ZFHX3: variants seen among roughly 807,000 people sequenced by gnomAD.
The protein encoded by ZFHX3 is zinc finger homeobox protein 3.
A neutral mutation model predicts 279.1 loss-of-function variants in ZFHX3; 42 were observed. That is an observed-to-expected ratio of 0.15 (90% CI 0.12 to 0.19). The LOEUF is 0.19. Ranked by LOEUF, ZFHX3 falls within the 10% of genes least tolerant of loss-of-function variation. The pLI is 1.00. For synonymous variants in ZFHX3, 2,293 were observed against 1,957.8 expected (o/e 1.17, Z -4.52); for missense variants, 4,981 against 4,754.0 (o/e 1.05, Z -1.40).
chr16:73,428,254 C>T (rs2017847015), intron 3 of ZFHX3, among the ~76,000 whole-genome samples: 1 of 152,132 alleles, frequency 6.6e-6, no homozygotes, highest in African/African-American at 2.4e-5. Context: ...ACATGCCGGC[C>T]TTGAACTCTC....
intron 2 of ZFHX3, among the ~76,000 whole-genome samples, chr16:73,654,812 A>T (rs28607648): frequency 4.8e-5 from 6 of 125,230 alleles, no homozygotes; most frequent in Non-Finnish European, 7.0e-5. Context: ...ATAATTTTTT[A>T]AAAAAACAAT....
intron 1 of ZFHX3, among the ~76,000 whole-genome samples, chr16:73,799,374 G>A (rs187539883): frequency 5.3e-5 from 8 of 152,280 alleles, no homozygotes; most frequent in East Asian, 3.9e-4. Flanking sequence ...CCCATATTAC[G>A]ACAGTGGATG....
At chr16:73,140,469 T>C (rs1349088040) in intron 6 of ZFHX3, among the ~76,000 whole-genome samples, 3 of 152,148 alleles carry the variant, frequency 2.0e-5, no homozygotes, top group African/African-American at 7.2e-5. Context: ...CAGGGAAGTC[T>C]GGAGTTCGGG....
chr16:73,720,957 T>A (rs1199868690), intron 1 of ZFHX3, among the ~76,000 whole-genome samples: 1 of 152,222 alleles, frequency 6.6e-6, no homozygotes, highest in Non-Finnish European at 1.5e-5. Context: ...TCTGTGATTG[T>A]AAAGTGACAG....
chr16:73,169,253 A>G (rs113057938), intron 5 of ZFHX3, among the ~76,000 whole-genome samples: 2 of 152,366 alleles, frequency 1.3e-5, no homozygotes, highest in African/African-American at 2.4e-5. Context: ...GGATTCAGAT[A>G]TGAGAGATTT....
At chr16:73,771,644 T>C (rs1041923265) in intron 1 of ZFHX3, among the ~76,000 whole-genome samples, 1 of 149,970 alleles carries the variant, frequency 6.7e-6, no homozygotes, top group African/African-American at 2.4e-5. Flanking sequence ...CCTAGTCTGA[T>C]GTTCCTTTCA....
intron 7 of ZFHX3, among the ~76,000 whole-genome samples, chr16:73,119,605 G>A (rs35744751): frequency 0.45 from 67,701 of 152,080 alleles, 16,728 homozygotes; most frequent in Middle Eastern, 0.6. Flanking sequence ...TGTTCCATGT[G>A]AGCCAACAGG....
chr16:73,789,722 T>C (rs1178734015), intron 1 of ZFHX3, among the ~76,000 whole-genome samples: 2 of 152,262 alleles, frequency 1.3e-5, no homozygotes, highest in East Asian at 1.9e-4. Flanking sequence ...TCAAACCGTA[T>C]CCAGTCAACA....
chr16:72,845,365 C>G (rs184277561), intron 4 of ZFHX3, among the ~76,000 whole-genome samples: 32 of 152,284 alleles, frequency 2.1e-4, no homozygotes, highest in Admixed American at 2.6e-4. Flanking sequence ...GCTCTTGTCC[C>G]CAGTCTCAGT....
intron 1 of ZFHX3, among the ~76,000 whole-genome samples, chr16:73,692,395 A>T (rs2053157845): frequency 6.6e-6 from 1 of 152,160 alleles, no homozygotes; most frequent in Non-Finnish European, 1.5e-5. Flanking sequence ...ATATAAACGA[A>T]TACACCCAGA....
At chr16:73,761,059 T>C (rs967865874) in intron 1 of ZFHX3, among the ~76,000 whole-genome samples, 1 of 151,450 alleles carries the variant, frequency 6.6e-6, no homozygotes, top group Non-Finnish European at 1.5e-5. Flanking sequence ...TGTTTGCAGA[T>C]GACATGATTC....
At chr16:72,883,910 C>G (rs532300676) in intron 4 of ZFHX3, among the ~76,000 whole-genome samples, 1 of 152,008 alleles carries the variant, frequency 6.6e-6, no homozygotes, top group Non-Finnish European at 1.5e-5. Flanking sequence ...GGAGAAAGAG[C>G]GTGGGTGTGC....
chr16:73,080,635 A>G (rs1965931956), intron 8 of ZFHX3, among the ~76,000 whole-genome samples: 1 of 151,892 alleles, frequency 6.6e-6, no homozygotes, highest in Admixed American at 6.6e-5. Context: ...GTACAGTAGT[A>G]TGATCAGAGC....
chr16:73,345,400 C>G (rs2016105173), intron 3 of ZFHX3, among the ~76,000 whole-genome samples: 1 of 143,724 alleles, frequency 7.0e-6, no homozygotes, highest in Admixed American at 7.0e-5. Flanking sequence ...CCCCACCCCA[C>G]CCCCCGACAG....
chr16:73,539,683 C>T (rs1214954376), intron 2 of ZFHX3, among the ~76,000 whole-genome samples: 1 of 152,074 alleles, frequency 6.6e-6, no homozygotes, highest in Admixed American at 6.5e-5. Context: ...TTATTTGATG[C>T]TGTTCAGTAA....
chr16:73,568,924 A>G (rs1342541606), intron 2 of ZFHX3, among the ~76,000 whole-genome samples: 1 of 152,010 alleles, frequency 6.6e-6, no homozygotes, highest in Non-Finnish European at 1.5e-5. Context: ...CTCCGAGATA[A>G]GAAGATTACA....
At chr16:73,440,270 C>T (rs987265905) in intron 3 of ZFHX3, among the ~76,000 whole-genome samples, 2 of 152,166 alleles carry the variant, frequency 1.3e-5, no homozygotes, top group Non-Finnish European at 2.9e-5. Context: ...TACCGTGTTA[C>T]TGAATTACAA....
upstream of ZFHX3, among the ~76,000 whole-genome samples, chr16:73,063,146 CG>C (rs1050985353): frequency 6.6e-6 from 1 of 152,090 alleles, no homozygotes; most frequent in African/African-American, 2.4e-5. Flanking sequence ...CTCGCAGTGC[CG>C]GGGTCAGAGG....
intron 3 of ZFHX3, among the ~76,000 whole-genome samples, chr16:73,434,274 C>T (rs546464777): frequency 3.3e-5 from 5 of 152,146 alleles, no homozygotes; most frequent in Non-Finnish European, 7.3e-5. Flanking sequence ...ACTCCTGGGG[C>T]CCTTAGTAAA....
Sources: allele counts gnomAD v4.1 joint callset (sites outside exome capture counted in the v4.1 genomes callset), GRCh38; gene constraint gnomAD v4.1.1; transcripts MANE v1.5; gene names NCBI Gene and HGNC (gene_info 2026-07-23, HGNC 2026-07-21).